NXPE4: variants seen among roughly 807,000 people sequenced by gnomAD.
The protein encoded by NXPE4 is NXPE family member 4.
A neutral mutation model predicts 33.3 loss-of-function variants in NXPE4; 42 were observed. The observed-to-expected ratio is 1.26, with a 90% confidence interval of 0.98 to 1.63. NXPE4 has a LOEUF of 1.63. NXPE4 is among the 40% of genes most tolerant of loss of function. The pLI, the probability that NXPE4 is intolerant of heterozygous loss-of-function variation, is 0.00. For missense variants in NXPE4, 709 were observed against 647.6 expected, an observed-to-expected ratio of 1.09 and a Z score of -1.03; for synonymous variants, 253 against 234.9, an observed-to-expected ratio of 1.08 and a Z score of -0.71.
At chr11:114,587,653 G>A (rs777230332) in intron 2 of NXPE4, among the ~76,000 whole-genome samples, 41 of 152,322 alleles carry the variant, frequency 2.7e-4, no homozygotes, top group African/African-American at 7.7e-4. Flanking sequence ...GGCTCAGGGC[G>A]CCAAGGAGGG....
At chr11:114,589,999 A>G (rs1191128667) in intron 2 of NXPE4, among the ~76,000 whole-genome samples, 1 of 152,238 alleles carries the variant, frequency 6.6e-6, no homozygotes, top group Non-Finnish European at 1.5e-5. Context: ...CTTTTTCTGC[A>G]TACTGTTACA....
chr11:114,603,109 AG>A, the NXPE4 span, among the ~76,000 whole-genome samples: 2 of 151,868 alleles, frequency 1.3e-5, no homozygotes, highest in Non-Finnish European at 2.9e-5. Flanking sequence ...CTTGTCTCAT[AG>A]GTAACTACTA....
At chr11:114,621,629 A>G in the NXPE4 span, among the ~76,000 whole-genome samples, 1 of 152,308 alleles carries the variant, frequency 6.6e-6, no homozygotes, top group African/African-American at 2.4e-5. Flanking sequence ...CCAGTGGATA[A>G]TAAGTATTGC....
At chr11:114,581,683 G>T (rs112204071) in intron 4 of NXPE4, 42 bp downstream of exon 4, 8 of 1,464,934 alleles carry the variant, frequency 5.5e-6, no homozygotes, top group East Asian at 2.3e-5. Context: ...CTTTAAATGG[G>T]TCTAGAACTA....
chr11:114,596,039 A>G (rs1170640476), upstream of NXPE4, among the ~76,000 whole-genome samples: 1 of 152,220 alleles, frequency 6.6e-6, no homozygotes, highest in East Asian at 1.9e-4. Context: ...GATGAGAAAA[A>G]GAGCCACAAG....
chr11:114,644,972 G>T, the NXPE4 span, among the ~76,000 whole-genome samples: 1 of 151,252 alleles, frequency 6.6e-6, no homozygotes, highest in African/African-American at 2.4e-5. Context: ...TGATGAAAAA[G>T]CATAAACACT....
chr11:114,652,299 C>T, the NXPE4 span, among the ~76,000 whole-genome samples: 96 of 152,302 alleles, frequency 6.3e-4, 1 homozygote, highest in Non-Finnish European at 9.0e-4. Flanking sequence ...CTTAAGGCAT[C>T]CTGTTCCTTC....
the NXPE4 span, among the ~76,000 whole-genome samples, chr11:114,667,667 T>C: frequency 6.6e-6 from 1 of 152,092 alleles, no homozygotes; most frequent in Admixed American, 6.6e-5. Context: ...CAACAGTCCA[T>C]GGAAAGTGGC....
intron 2 of NXPE4, among the ~76,000 whole-genome samples, chr11:114,589,379 C>T (rs1355765039): frequency 6.6e-6 from 1 of 152,094 alleles, no homozygotes; most frequent in East Asian, 1.9e-4. Flanking sequence ...CAGAGCCAGC[C>T]TCTTTTCTCC....
chr11:114,580,026 T>A, intron 5 of NXPE4, 106 bp downstream of exon 5: 1 of 995,794 alleles, frequency 1.0e-6, no homozygotes, highest in Non-Finnish European at 1.5e-6. Context: ...GTGTTGTGAT[T>A]GAAGAATATG....
At chr11:114,622,405 T>C in the NXPE4 span, among the ~76,000 whole-genome samples, 2 of 151,310 alleles carry the variant, frequency 1.3e-5, no homozygotes, top group Admixed American at 1.3e-4. Context: ...GGGTAACCAC[T>C]GTTACCCGGT....
chr11:114,657,625 G>A, the NXPE4 span, among the ~76,000 whole-genome samples: 87 of 151,862 alleles, frequency 5.7e-4, no homozygotes, highest in Non-Finnish European at 1.1e-3. Context: ...AAATACTTAG[G>A]AAACTGTAAT....
chr11:114,623,179 A>T, the NXPE4 span, among the ~76,000 whole-genome samples: 1 of 151,798 alleles, frequency 6.6e-6, no homozygotes, highest in Non-Finnish European at 1.5e-5. Flanking sequence ...GATAATAATT[A>T]TTGCCTCTAG....
the NXPE4 span, among the ~76,000 whole-genome samples, chr11:114,601,781 T>C: frequency 1.4e-5 from 1 of 73,492 alleles, no homozygotes; most frequent in Non-Finnish European, 2.3e-5. Context: ...ATTATAATTA[T>C]ATAACATGTG....
chr11:114,609,100 T>C, the NXPE4 span, among the ~76,000 whole-genome samples: 1 of 151,974 alleles, frequency 6.6e-6, no homozygotes, highest in Admixed American at 6.6e-5. Flanking sequence ...AAGTGTTGCC[T>C]CATGGGTAGC....
the NXPE4 span, among the ~76,000 whole-genome samples, chr11:114,653,526 G>A: frequency 7.4e-6 from 1 of 135,922 alleles, no homozygotes; most frequent in East Asian, 2.2e-4. Flanking sequence ...CCCTTGTCCT[G>A]CTTTCCCTTT....
rs372964345 is a variant in NXPE4 at position 114,582,628 on chromosome 11, G to A, written c.490C>T (p.Leu164=). ...TCCCAGAACAGAGTGAAGCTGACCA[G>A]GTAGGTGCCGTTGTTGAAGTCAGTC... ...KVTDFNNGTY[L]VSFTLFWEGQ... Residue 164 remains leucine (L), a synonymous_variant, in exon 3 of 6, where the codon CTG becomes TTG. Transcript: ENST00000375478. 10 of 1,614,030 alleles carry A rather than the reference G, an allele frequency of 6.2e-6. No homozygotes were observed. Among genetic ancestry groups the A allele is most frequent in the Non-Finnish European group, 7.6e-6 (9 of 1,180,006 alleles).
chr11:114,615,275 T>A, the NXPE4 span, among the ~76,000 whole-genome samples: 1 of 151,980 alleles, frequency 6.6e-6, no homozygotes, highest in Non-Finnish European at 1.5e-5. Flanking sequence ...TCCTTGTGGG[T>A]ATCCACTGTT....
the NXPE4 span, among the ~76,000 whole-genome samples, chr11:114,602,184 A>G: frequency 1.8e-5 from 2 of 108,390 alleles, no homozygotes; most frequent in African/African-American, 7.6e-5. Context: ...TACTATATAC[A>G]TTATATATAA....
Sources: gnomAD v4.1 joint callset for allele counts (sites outside exome capture counted in the v4.1 genomes callset) on GRCh38, gnomAD v4.1.1 for gene constraint, MANE v1.5 for transcripts, NCBI Gene and HGNC (gene_info 2026-07-23, HGNC 2026-07-21) for gene names.